Variants in LARGE1 observed in about 807,000 individuals in gnomAD.
The protein encoded by LARGE1 is xylosyl- and glucuronyltransferase LARGE1.
Under a neutral mutation model 87.6 loss-of-function variants are expected in LARGE1, and 43 were observed. That is an observed-to-expected ratio of 0.49 (90% CI 0.38 to 0.63). The LOEUF (loss-of-function observed/expected upper bound fraction) is 0.63, where lower values mean the gene tolerates loss of function less well. Among genes scored for constraint, LARGE1 ranks in the 30% least tolerant of loss-of-function variants. The pLI is 0.00. For synonymous variants in LARGE1, 434 were observed against 394.6 expected (o/e 1.10, Z -1.18); for missense variants, 802 against 1,000.2 (o/e 0.80, Z 2.67).
At chr22:33,652,382 G>T (rs2080846939) in intron 2 of LARGE1, among the ~76,000 whole-genome samples, 1 of 151,788 alleles carries the variant, frequency 6.6e-6, no homozygotes, top group Non-Finnish European at 1.5e-5. Context: ...ACACTTATTA[G>T]TATAAAAACC....
chr22:33,816,953 C>T (rs2086672017), intron 1 of LARGE1, among the ~76,000 whole-genome samples: 1 of 152,160 alleles, frequency 6.6e-6, no homozygotes, highest in African/African-American at 2.4e-5. Flanking sequence ...CTGACCTCAC[C>T]CACCACAATC....
intron 2 of LARGE1, among the ~76,000 whole-genome samples, chr22:33,657,532 A>G (rs943303063): frequency 2.0e-5 from 3 of 152,096 alleles, no homozygotes; most frequent in African/African-American, 7.2e-5. Context: ...GCGGCCATAG[A>G]AATACATAAC....
intron 3 of LARGE1, among the ~76,000 whole-genome samples, chr22:33,637,795 A>G (rs1396550074): frequency 6.6e-6 from 1 of 152,200 alleles, no homozygotes; most frequent in Non-Finnish European, 1.5e-5. Context: ...AAAGGTTGAG[A>G]GTCATAATCC....
chr22:33,274,374 C>T lies in LARGE1; in HGVS notation c.*53G>A, dbSNP rs536228753. 2.9e-5 allele frequency: 46 copies of T among 1,570,120 alleles called. 1 individual carries two copies. In the East Asian group the frequency reaches 6.0e-4, roughly 21 times the overall value. On this transcript the variant is annotated 3_prime_UTR_variant, in exon 15 of 15. Transcript: ENST00000397394. ...AATTTGAAGGCCGGGCCCCAAACAGCGAGTGGCACTTCCCCTACAGCATGT... is the reference window on the plus strand; with the variant it reads ...AATTTGAAGGCCGGGCCCCAAACAGTGAGTGGCACTTCCCCTACAGCATGT...
chr22:33,168,555 C>T (rs568023124), intron 11 of LARGE1, among the ~76,000 whole-genome samples: 174 of 151,620 alleles, frequency 1.1e-3, no homozygotes, highest in African/African-American at 3.8e-3. Context: ...ATATTCAAAA[C>T]GGTCTAATAA....
intron 6 of LARGE1, among the ~76,000 whole-genome samples, chr22:33,434,630 C>A (rs1296811704): frequency 6.6e-6 from 1 of 152,058 alleles, no homozygotes; most frequent in Non-Finnish European, 1.5e-5. Context: ...TTTAGGGGGT[C>A]CATCTAAATT....
chr22:33,497,534 G>A (rs2070198590), intron 6 of LARGE1, among the ~76,000 whole-genome samples: 1 of 152,210 alleles, frequency 6.6e-6, no homozygotes, highest in Non-Finnish European at 1.5e-5. Context: ...TGTCTAAAAA[G>A]AGTCTTGTGC....
At chr22:33,600,830 T>C (rs944468836) in intron 5 of LARGE1, among the ~76,000 whole-genome samples, 1 of 152,180 alleles carries the variant, frequency 6.6e-6, no homozygotes, top group Non-Finnish European at 1.5e-5. Context: ...GCAGATCACC[T>C]GAGGTAGATG....
chr22:33,751,853 C>T (rs1411101731), intron 2 of LARGE1, among the ~76,000 whole-genome samples: 2 of 151,718 alleles, frequency 1.3e-5, no homozygotes. Flanking sequence ...CTGGAACATT[C>T]GCCTCCAGGG....
In LARGE1 at chr22:33,566,894, C is replaced by T. The variant is rs2078044142; in HGVS notation, c.616-1875G>A. 2.6e-5 allele frequency among the ~76,000 whole-genome samples: 4 copies of T among 152,282 alleles called. No homozygotes were observed. In the South Asian group the frequency reaches 8.3e-4, roughly 32 times the overall value. On this transcript the variant is annotated intron_variant, in intron 5 of 14. Transcript: ENST00000397394. Reference sequence around the variant, plus strand: ...CGCTAGACATAAAAGTTCTCCAAGTCCCCATTTGACCCAGGAAGTCCAGCT... The same window carrying T: ...CGCTAGACATAAAAGTTCTCCAAGTTCCCATTTGACCCAGGAAGTCCAGCT...
At position 33,234,904 on chromosome 22, in the gene LARGE1, TTGGGGA is replaced by T. The variant is rs1568984417; in HGVS notation, c.1731-68078_1731-68073del. Among the ~76,000 whole-genome samples the T allele has an allele frequency of 4.9e-3, 739 of 151,932 alleles. 7 individuals carry two copies. Among genetic ancestry groups the T allele is most frequent in the African/African-American group, 0.017 (699 of 41,342 alleles). On this transcript the variant is annotated intron_variant, in intron 11 of 11. Coordinates refer to the LARGE1 transcript ENST00000608642. Reference sequence around the variant, plus strand: ...ATCTGAGTTCCCCAACTGGAATGTGTTGGGGAATGCTACACATAAATTATTTCATCA... The same window carrying T: ...ATCTGAGTTCCCCAACTGGAATGTGTATGCTACACATAAATTATTTCATCA...
At chr22:33,532,195 GT>G (rs1485488067) in intron 6 of LARGE1, among the ~76,000 whole-genome samples, 1 of 152,150 alleles carries the variant, frequency 6.6e-6, no homozygotes, top group African/African-American at 2.4e-5. Flanking sequence ...CCCAACTTTT[GT>G]TTCCTTGTAC....
intron 1 of LARGE1, among the ~76,000 whole-genome samples, chr22:33,897,530 C>T (rs910327907): frequency 8.5e-5 from 13 of 152,234 alleles, no homozygotes; most frequent in African/African-American, 1.4e-4. Flanking sequence ...GACGGGAATA[C>T]GCAAGGGAGG....
At chr22:33,626,684 C>A (rs928139082) in intron 3 of LARGE1, among the ~76,000 whole-genome samples, 1 of 152,268 alleles carries the variant, frequency 6.6e-6, no homozygotes, top group East Asian at 1.9e-4. Flanking sequence ...AAAGTATGAA[C>A]CAACAATCAG....
intron 2 of LARGE1, among the ~76,000 whole-genome samples, chr22:33,753,623 G>A (rs2084402384): frequency 6.6e-6 from 1 of 152,164 alleles, no homozygotes; most frequent in African/African-American, 2.4e-5. Context: ...GGGACTCACG[G>A]CAACCACATT....
intron 6 of LARGE1, among the ~76,000 whole-genome samples, chr22:33,470,709 G>C (rs989808290): frequency 6.6e-6 from 1 of 152,152 alleles, no homozygotes; most frequent in Non-Finnish European, 1.5e-5. Context: ...TGACCTCTTC[G>C]TGGGGAGCAC....
chr22:33,758,990 A>G (rs905167400), intron 2 of LARGE1, among the ~76,000 whole-genome samples: 1 of 152,220 alleles, frequency 6.6e-6, no homozygotes, highest in African/African-American at 2.4e-5. Context: ...ATCAGAGGCA[A>G]TATTAGTGAA....
At chr22:33,101,124 C>T in the LARGE1 span, among the ~76,000 whole-genome samples, 10 of 152,156 alleles carry the variant, frequency 6.6e-5, no homozygotes, top group Non-Finnish European at 8.8e-5. Flanking sequence ...GGATTACAGG[C>T]GTGAGCCACC....
chr22:33,639,135 A>G (rs1004864121), intron 3 of LARGE1, among the ~76,000 whole-genome samples: 5 of 152,248 alleles, frequency 3.3e-5, no homozygotes, highest in African/African-American at 1.2e-4. Context: ...ACTTGTACTT[A>G]AAGCCTTTAG....
Sources: allele counts gnomAD v4.1 joint callset (sites outside exome capture counted in the v4.1 genomes callset), GRCh38; gene constraint gnomAD v4.1.1; transcripts MANE v1.5; gene names NCBI Gene and HGNC (gene_info 2026-07-23, HGNC 2026-07-21).